Variants in NFATC4 observed in about 807,000 individuals in gnomAD.
NFATC4 encodes the protein nuclear factor of activated T cells 4.
Under a neutral mutation model 73.4 loss-of-function variants are expected in NFATC4, and 25 were observed. That is an observed-to-expected ratio of 0.34 (90% confidence interval 0.25 to 0.48). The LOEUF is 0.48. Ranked by LOEUF, NFATC4 falls within the 20% of genes least tolerant of loss-of-function variation. The pLI is 0.99. For missense variants in NFATC4, 1,130 were observed against 1,203.7 expected (o/e 0.94, Z 0.91); for synonymous variants, 523 against 510.3 (o/e 1.02, Z -0.34).
rs1041708126 is a variant in NFATC4, at chr14:24,368,339, C to G, written c.-2C>G. On this transcript the variant is annotated 5_prime_UTR_variant, in exon 1 of 10. The change creates a new upstream start codon in the 5' untranslated region. Coordinates refer to ENST00000250373, the MANE Select transcript of NFATC4 (RefSeq NM_004554.5). ...CGGGACCTGGGGGCTCCTGCCGGAT[C>G]CATGGGGGCGGCCAGCTGCGAGGAT... The G allele has an allele frequency of 1.2e-5, 17 of 1,389,176 alleles. No homozygotes were observed. In the African/African-American group the frequency reaches 2.6e-4, roughly 21 times the overall value. 86.1% of individuals were successfully genotyped at this position (1,389,176 alleles called of 1,614,324 possible).
intron 2 of NFATC4, 130 bp downstream of exon 2, chr14:24,370,724 A>C: frequency 5.5e-5 from 70 of 1,271,022 alleles, no homozygotes; most frequent in Non-Finnish European, 6.6e-5. Context: ...CAACCAGCTC[A>C]GCAGCTGCCA....
Position 24,378,020 on chromosome 14 carries a change from G to C in NFATC4, c.*315G>C. 1 of 474,688 alleles carries C rather than the reference G, an allele frequency of 2.1e-6. No homozygotes were observed. The highest frequency in any genetic ancestry group is 3.8e-6 in the Non-Finnish European group (1 of 261,220). 29.4% of individuals were successfully genotyped at this position (474,688 alleles called of 1,614,324 possible). On this transcript the variant is annotated 3_prime_UTR_variant, in exon 10 of 10. Transcript: ENST00000250373. ...CTGGCTGTTGTGCTGGAAAGCTGGG[G>C]ACAGGTTGATGGTAATAAACTGCTC...
chr14:24,372,614 G>A lies in NFATC4; in HGVS notation c.1359+11G>A, dbSNP rs1374578367. On this transcript the variant is annotated intron_variant, in intron 3 of 9. Transcript: ENST00000250373. ...CACCCCGTAGTCAAGGTAAAGGACA[G>A]ACAGCAGGCCTGATATCCTCTCTCC... is the stretch of plus-strand genomic sequence containing the variant. 1 of 1,613,830 alleles carries A rather than the reference G, an allele frequency of 6.2e-7. No homozygotes were observed. The highest frequency in any genetic ancestry group is 1.7e-5 in the Admixed American group (1 of 60,024).
chr14:24,372,389 C>T (rs1015323522), intron 2 of NFATC4, 52 bp from the exon 3 acceptor site: 2 of 1,590,102 alleles, frequency 1.3e-6, no homozygotes, highest in South Asian at 1.1e-5. Context: ...CCAGTACGGG[C>T]CTGACTGGGG....
chr14:24,376,027 C>T lies in NFATC4; in HGVS notation c.1982C>T (p.Pro661Leu), dbSNP rs1173932684. Residue 661 changes from proline to leucine, a missense_variant, in exon 8 of 10, where the codon CCA (proline) becomes CTA (leucine). Pro to Leu is a moderately conservative substitution (Grantham distance 98). This residue lies in a region of NFATC4 where 390 missense variants were observed against 408.1 expected (regional missense o/e 0.96). Transcript: ENST00000250373. The surrounding 1 kb of genome is among the most constrained non-coding windows in gnomAD (Gnocchi z 5.0). Reference sequence around the variant, plus strand: ...TACAGCAACAAGAGGGTTTCCCGGCCAGTCCAGGTCTACTTTTATGTCTCC... The same window carrying T: ...TACAGCAACAAGAGGGTTTCCCGGCTAGTCCAGGTCTACTTTTATGTCTCC... ...PEYSNKRVSR[P>L]VQVYFYVSNG... 1 of 1,613,956 alleles carries T rather than the reference C, an allele frequency of 6.2e-7. No homozygotes were observed. The highest frequency in any genetic ancestry group is 1.3e-5 in the African/African-American group (1 of 74,884).
chr14:24,367,222 G>C (rs769373411), upstream of NFATC4: 1 of 1,613,782 alleles, frequency 6.2e-7, no homozygotes. Flanking sequence ...CAGGTGACAG[G>C]TGTCCAGCCT....
At position 24,375,675 on chromosome 14, in the gene NFATC4, G is replaced by C; in HGVS notation, c.1889G>C (p.Trp630Ser). ...IERGPDGKLQ[W>S]EEEATVNRLQ... ...CTCTGGACAGATGGGAAGCTGCAAT[G>C]GGAGGAGGAGGCCACAGTGAACCGA... is the stretch of plus-strand genomic sequence containing the variant. Residue 630 changes from tryptophan to serine, a missense_variant, in exon 7 of 10, where the codon TGG (tryptophan) becomes TCG (serine). Trp to Ser is a radical substitution (Grantham distance 177). Around this residue, in one of 3 missense-constraint regions of NFATC4, gnomAD observed 390 missense variants for 408.1 expected, o/e 0.96. Coordinates refer to ENST00000250373, the MANE Select transcript of NFATC4 (RefSeq NM_004554.5). The C allele has an allele frequency of 6.4e-7, 1 of 1,559,244 alleles. No individual in the cohort carries two copies. Among genetic ancestry groups the C allele is most frequent in the Non-Finnish European group, 8.7e-7 (1 of 1,150,696 alleles).
At position 24,374,369 on chromosome 14, in the gene NFATC4, C is replaced by G. The variant is rs528592010; in HGVS notation, c.1776C>G (p.Ser592Arg). 6.2e-7 allele frequency: 1 copy of G among 1,613,946 alleles called. No homozygotes were observed. The highest frequency in any genetic ancestry group is 1.1e-5 in the South Asian group (1 of 91,060). ...AGCTGCCCCAGGTGGAGGCCTACAGCCCCAGTGCCTGCTCTGTGAGAGGAG... is the reference window on the plus strand; with the variant it reads ...AGCTGCCCCAGGTGGAGGCCTACAGGCCCAGTGCCTGCTCTGTGAGAGGAG... ...AQELPQVEAY[S>R]PSACSVRGGE... The change falls in exon 6 of 10, where the codon AGC becomes AGG. Residue 592 changes from serine to arginine, a missense_variant. This residue lies in a region of NFATC4 where 390 missense variants were observed against 408.1 expected (regional missense o/e 0.96). Coordinates refer to ENST00000250373, the MANE Select transcript of NFATC4 (RefSeq NM_004554.5).
Position 24,374,045 on chromosome 14 carries a change from G to A in NFATC4, c.1732+178G>A, listed in dbSNP as rs1178044071. 2.9e-6 allele frequency: 3 copies of A among 1,033,744 alleles called. No individual in the cohort carries two copies. In the South Asian group the frequency reaches 4.1e-5, roughly 14 times the overall value. 64.0% of individuals were successfully genotyped at this position (1,033,744 alleles called of 1,614,324 possible). A position where few individuals can be genotyped will look rare whatever the true frequency, so the allele number is the denominator to read the frequency against. ...CCCCTGCCACAGACTCTGTCTCTGGGGTGGCCCAGAGTGACACTGGACCCT... is the reference window on the plus strand; with the variant it reads ...CCCCTGCCACAGACTCTGTCTCTGGAGTGGCCCAGAGTGACACTGGACCCT... On this transcript the variant is annotated intron_variant, in intron 5 of 9. Transcript: ENST00000250373.
chr14:24,375,815 G>A (rs1410990687), intron 7 of NFATC4, 100 bp downstream of exon 7: 6 of 1,548,642 alleles, frequency 3.9e-6, no homozygotes, highest in African/African-American at 2.7e-5. Flanking sequence ...CTTTTCTGGA[G>A]GAGGGAGACT....
upstream of NFATC4, chr14:24,367,072 A>G (rs781099259): frequency 5.6e-6 from 9 of 1,613,352 alleles, no homozygotes; most frequent in Admixed American, 1.7e-5. Flanking sequence ...CCACCCTCCC[A>G]TCTCTCCTAC....
upstream of NFATC4, chr14:24,367,986 A>G (rs1457976681): frequency 4.8e-6 from 5 of 1,044,610 alleles, no homozygotes; most frequent in South Asian, 8.7e-5. Context: ...ACCGTTTTCC[A>G]ATTCAGTTTT....
intron 6 of NFATC4, chr14:24,374,714 T>C (rs554524784): frequency 2.4e-6 from 1 of 409,414 alleles, no homozygotes; most frequent in Admixed American, 4.0e-5. Context: ...AAGAGGAGTC[T>C]GCTTTGAGAT....
rs1033474590 is a variant in NFATC4, at chr14:24,379,516, A to G, written c.*1811A>G. 1 of 152,246 alleles carries G rather than the reference A, an allele frequency of 6.6e-6. No individual in the cohort carries two copies. The highest frequency in any genetic ancestry group is 2.4e-5 in the African/African-American group (1 of 41,458). 9.4% of individuals were successfully genotyped at this position (152,246 alleles called of 1,614,324 possible). A position where few individuals can be genotyped will look rare whatever the true frequency, so the allele number is the denominator to read the frequency against. On this transcript the variant is annotated 3_prime_UTR_variant, in exon 10 of 10. Transcript: ENST00000250373. The stretch of plus-strand genomic sequence containing the variant: ...TCATGCATTGTCAGATATTTATTAA[A>G]CAGCAGCAAAGTGCCAGCCAATTTG...
upstream of NFATC4, chr14:24,367,123 C>G: frequency 3.7e-6 from 6 of 1,613,978 alleles, no homozygotes; most frequent in Non-Finnish European, 5.1e-6. Flanking sequence ...TCACGAATCT[C>G]CCATCTAACT....
rs2042540305 is a variant in NFATC4 at position 24,373,881 on chromosome 14, C to T, written c.1732+14C>T. On this transcript the variant is annotated intron_variant, in intron 5 of 9. Coordinates refer to ENST00000250373, the MANE Select transcript of NFATC4 (RefSeq NM_004554.5). This position sits in a 1 kb window ranked among gnomAD's most constrained non-coding sequence, Gnocchi z 4.7. ...CCATCGAGTGCTGTGAGCAAAGAGGCCCTGGGCCATGTCTCTGTCTCTTGC... is the reference window on the plus strand; with the variant it reads ...CCATCGAGTGCTGTGAGCAAAGAGGTCCTGGGCCATGTCTCTGTCTCTTGC... 1 of 1,613,734 alleles carries T rather than the reference C, an allele frequency of 6.2e-7. No individual in the cohort carries two copies. The highest frequency in any genetic ancestry group is 1.1e-5 in the South Asian group (1 of 91,082).
At chr14:24,374,673 CA>C (rs1377783780) in intron 6 of NFATC4, 2 of 516,664 alleles carry the variant, frequency 3.9e-6, no homozygotes, top group African/African-American at 3.9e-5. Flanking sequence ...GGATGCTGAA[CA>C]AATGGAAGCA....
At chr14:24,372,270 G>T in intron 2 of NFATC4, 171 bp from the exon 3 acceptor site, 2 of 698,610 alleles carry the variant, frequency 2.9e-6, no homozygotes, top group African/African-American at 1.8e-5. Context: ...CCTTTTTTTA[G>T]TTTAAAAAAA....
At position 24,378,186 on chromosome 14, in the gene NFATC4, G is replaced by A. The variant is rs56108219; in HGVS notation, c.*481G>A. ...ATTGCATCCCAAAGAGCTTCTCAGT[G>A]GAGGAGGCTGGGGAAGGCATGAGGG... On this transcript the variant is annotated 3_prime_UTR_variant, in exon 10 of 10. Transcript: ENST00000250373. The A allele has an allele frequency of 3.4e-4, 57 of 169,980 alleles. 1 individual carries two copies. The Middle Eastern group carries it at 0.016, about 46-fold the overall frequency. 10.5% of individuals were successfully genotyped at this position (169,980 alleles called of 1,614,324 possible).
Sources: gnomAD v4.1 joint callset for allele counts on GRCh38, gnomAD v4.1.1 for gene constraint, gnomAD v4.1.1 regional missense constraint, Gnocchi (gnomAD v3.1) non-coding constraint, MANE v1.5 for transcripts, NCBI Gene and HGNC (gene_info 2026-07-23, HGNC 2026-07-21) for gene names.